The following ARG1 variants were observed in gnomAD, a reference collection of about 807,000 sequenced individuals.
ARG1 encodes arginase-1.
ARG1 carries 20 observed loss-of-function variants against 33.0 expected under a neutral mutation model. The ratio of observed to expected loss-of-function variants is 0.61; its 90% confidence interval spans 0.43 to 0.88. The LOEUF is 0.88. Among genes scored for constraint, ARG1 ranks in the 40% least tolerant of loss-of-function variants. The pLI is 0.00. For missense variants in ARG1, 374 were observed against 384.7 expected, an observed-to-expected ratio of 0.97 and a Z score of 0.23; for synonymous variants, 146 against 140.6, an observed-to-expected ratio of 1.04 and a Z score of -0.27.
In ARG1 at chr6:131,578,765, A is replaced by G. The variant is rs140607078; in HGVS notation, c.131-346A>G. 1.8e-3 allele frequency among the ~76,000 whole-genome samples: 268 copies of G among 152,264 alleles called. 2 individuals are homozygous for G. The highest frequency in any genetic ancestry group is 6.2e-3 in the African/African-American group (256 of 41,490). On this transcript the variant is annotated intron_variant, in intron 2 of 7. Coordinates refer to ENST00000368087, the MANE Select transcript of ARG1 (RefSeq NM_000045.4). ...CTTACTATAGAAAGGTAAAAAGCACATAAGCAGAGAGAGACAGAGAGACAG... is the reference window on the plus strand; with the variant it reads ...CTTACTATAGAAAGGTAAAAAGCACGTAAGCAGAGAGAGACAGAGAGACAG...
chr6:131,583,858 G>C lies in ARG1; in HGVS notation c.919G>C (p.Ala307Pro). The C allele has an allele frequency of 6.2e-7, 1 of 1,614,132 alleles. No individual in the cohort carries two copies. The highest frequency in any genetic ancestry group is 8.5e-7 in the Non-Finnish European group (1 of 1,180,004). The change falls in exon 8 of 8, where the codon GCT becomes CCT. Residue 307 changes from alanine to proline, a missense_variant. Physicochemically the swap from Ala to Pro is conservative, Grantham distance 27. Transcript: ENST00000368087. ...VAITLACFGL[A>P]REGNHKPIDY... ...AATAACCTTGGCTTGTTTCGGACTT[G>C]CTCGGGAGGGTAATCACAAGCCTAT...
At chr6:131,576,520 A>C (rs138457449) in intron 1 of ARG1, 143 bp from the exon 2 acceptor site, 1 of 756,112 alleles carries the variant, frequency 1.3e-6, no homozygotes, top group African/African-American at 1.7e-5. Context: ...GAAGATTAAA[A>C]GAGATGATGT....
chr6:131,575,921 C>T (rs1773590336), intron 1 of ARG1, among the ~76,000 whole-genome samples: 1 of 152,186 alleles, frequency 6.6e-6, no homozygotes, highest in African/African-American at 2.4e-5. Flanking sequence ...CAGATGATGA[C>T]TTTTTCTGTT....
chr6:131,583,896 C>T lies in ARG1; in HGVS notation c.957C>T (p.Asn319=). Residue 319 remains asparagine, a synonymous_variant, in exon 8 of 8, where the codon AAC becomes AAT. Coordinates refer to ENST00000368087, the MANE Select transcript of ARG1 (RefSeq NM_000045.4). ...ATCACAAGCCTATTGACTACCTTAACCCACCTAAGTAAATGTGGAAACATC... is the reference window on the plus strand; with the variant it reads ...ATCACAAGCCTATTGACTACCTTAATCCACCTAAGTAAATGTGGAAACATC... ...EGNHKPIDYL[N]PPK 6.2e-7 allele frequency: 1 copy of T among 1,614,030 alleles called. No homozygotes were observed. Among genetic ancestry groups the T allele is most frequent in the Non-Finnish European group, 8.5e-7 (1 of 1,179,962 alleles).
chr6:131,573,488 C>A, intron 1 of ARG1, 149 bp downstream of exon 1: 2 of 762,608 alleles, frequency 2.6e-6, no homozygotes, highest in Non-Finnish European at 4.5e-6. Context: ...CACCATTTTC[C>A]AACATTGTAT....
chr6:131,581,319 A>G lies in ARG1; in HGVS notation c.406A>G (p.Thr136Ala), dbSNP rs535456448. 6.2e-7 allele frequency: 1 copy of G among 1,613,918 alleles called. No individual in the cohort carries two copies. Among genetic ancestry groups the G allele is most frequent in the East Asian group, 2.2e-5 (1 of 44,864 alleles). ...TGATATCAACACTCCACTGACAACCACAAGTGGAAACTTGCATGGACAACC... is the reference window on the plus strand; with the variant it reads ...TGATATCAACACTCCACTGACAACCGCAAGTGGAAACTTGCATGGACAACC... The part of the protein sequence containing the change: ...HTDINTPLTT[T>A]SGNLHGQPVS... Residue 136 changes from threonine (T) to alanine (A), a missense_variant, in exon 4 of 8, where the codon ACA (threonine) becomes GCA (alanine). Transcript: ENST00000368087.
At chr6:131,577,597 T>G (rs1037303649) in intron 2 of ARG1, among the ~76,000 whole-genome samples, 1 of 151,822 alleles carries the variant, frequency 6.6e-6, no homozygotes, top group Non-Finnish European at 1.5e-5. Context: ...GAGATAGTAT[T>G]CAACAATAAA....
intron 2 of ARG1, among the ~76,000 whole-genome samples, 156 bp downstream of exon 2, chr6:131,576,891 A>G (rs1008360748): frequency 2.0e-5 from 3 of 152,172 alleles, no homozygotes; most frequent in Admixed American, 6.5e-5. Context: ...GCAGCAGGGC[A>G]TGGGGAGAAT....
chr6:131,576,523 G>A (rs1773620017), intron 1 of ARG1, 140 bp from the exon 2 acceptor site: 1 of 765,904 alleles, frequency 1.3e-6, no homozygotes, highest in Non-Finnish European at 2.3e-6. Context: ...GATTAAAAGA[G>A]ATGATGTAAA....
At chr6:131,582,824 C>T (rs1774003752) in intron 5 of ARG1, 109 bp downstream of exon 5, 1 of 917,348 alleles carries the variant, frequency 1.1e-6, no homozygotes, top group Admixed American at 1.8e-5. Context: ...GACACACACA[C>T]ACACACATGC....
chr6:131,579,168 C>T lies in ARG1; in HGVS notation c.188C>T (p.Pro63Leu). ...TTTGCTGACATCCCTAATGACAGTC[C>T]CTTTCAAATTGTGAAGAATCCAAGG... ...LPFADIPNDSPFQIVKNPRSV... is the reference protein window; with the variant it reads ...LPFADIPNDSLFQIVKNPRSV... Residue 63 changes from proline (P) to leucine (L), a missense_variant, in exon 3 of 8, where the codon CCC becomes CTC. Physicochemically the swap from Pro to Leu is moderately conservative, Grantham distance 98. Transcript: ENST00000368087. 6.2e-7 allele frequency: 1 copy of T among 1,614,060 alleles called. No individual in the cohort carries two copies.
chr6:131,576,597 G>C (rs1055653258), intron 1 of ARG1, 66 bp from the exon 2 acceptor site: 2 of 1,434,588 alleles, frequency 1.4e-6, no homozygotes, highest in African/African-American at 1.4e-5. Context: ...TAATGAAAAG[G>C]GTTCCTGCTG....
At chr6:131,574,149 A>C in intron 1 of ARG1, 2 of 1,002,868 alleles carry the variant, frequency 2.0e-6, no homozygotes, top group Non-Finnish European at 3.2e-6. Context: ...TCTGTGCTTA[A>C]AGAGGATAAA....
rs531412785 is a variant in ARG1, at chr6:131,575,424, GT to G, written c.58-1236del. On this transcript the variant is annotated intron_variant, in intron 1 of 7. Transcript: ENST00000368087. ...TGGGGTTGAAAGAAGGAGAAATCAT[GT>G]TTACTTGATTGGGGAGAGGCAGGTG... Among the ~76,000 whole-genome samples the G allele has an allele frequency of 5.8e-3, 890 of 152,252 alleles. 4 individuals are homozygous for G. Among genetic ancestry groups the G allele is most frequent in the Non-Finnish European group, 7.4e-3 (501 of 68,010 alleles).
At chr6:131,575,572 G>C (rs1479974115) in intron 1 of ARG1, among the ~76,000 whole-genome samples, 3 of 152,174 alleles carry the variant, frequency 2.0e-5, no homozygotes, top group Non-Finnish European at 4.4e-5. Context: ...CAAGTCTTCT[G>C]TTCCTTTGAA....
intron 5 of ARG1, 150 bp downstream of exon 5, chr6:131,582,865 A>G: frequency 1.3e-6 from 1 of 777,066 alleles, no homozygotes; most frequent in South Asian, 1.5e-5. Flanking sequence ...ACATGTACAT[A>G]CATATGTATG....
chr6:131,582,812 A>AAG lies in ARG1; in HGVS notation c.560+99_560+100dup, dbSNP rs996955399. 35 of 994,968 alleles carry AAG rather than the reference A, an allele frequency of 3.5e-5. No individual in the cohort carries two copies. In the African/African-American group the frequency reaches 5.2e-4, roughly 15 times the overall value. The allele number at this position is 994,968 out of a possible 1,614,324, so 61.6% of individuals were successfully genotyped here. Reference sequence around the variant, plus strand: ...ACTCTATGAGAGAAAATTAAACATCAAGACACACACACACACACATGCCCA... The same window carrying AAG: ...ACTCTATGAGAGAAAATTAAACATCAAGAGACACACACACACACACATGCCCA... On this transcript the variant is annotated intron_variant, in intron 5 of 7. Transcript: ENST00000368087.
intron 4 of ARG1, among the ~76,000 whole-genome samples, chr6:131,581,839 T>C (rs940146519): frequency 3.3e-5 from 5 of 152,210 alleles, no homozygotes; most frequent in African/African-American, 1.2e-4. Flanking sequence ...TCAGATATAA[T>C]GGTTTATGAA....
At chr6:131,575,796 A>C (rs542424700) in intron 1 of ARG1, among the ~76,000 whole-genome samples, 10 of 152,292 alleles carry the variant, frequency 6.6e-5, no homozygotes, top group African/African-American at 2.4e-4. Flanking sequence ...CCCTTGGAGG[A>C]AGAGTGTTAG....
Sources: gnomAD v4.1 joint callset for allele counts (sites outside exome capture counted in the v4.1 genomes callset) on GRCh38, gnomAD v4.1.1 for gene constraint, MANE v1.5 for transcripts, NCBI Gene and HGNC (gene_info 2026-07-23, HGNC 2026-07-21) for gene names.